The following KMT5B variants were observed in gnomAD, a reference collection of about 807,000 sequenced individuals.
KMT5B encodes the protein lysine methyltransferase 5B.
Under a neutral mutation model 83.2 loss-of-function variants are expected in KMT5B, and 10 were observed. The ratio of observed to expected loss-of-function variants is 0.12; its 90% CI spans 0.07 to 0.20. KMT5B has a LOEUF of 0.20. KMT5B is among the 10% of genes least tolerant of loss of function. The pLI is 1.00. For missense variants in KMT5B, 753 were observed against 1,067.2 expected, an observed-to-expected ratio of 0.71 and a Z score of 4.10; for synonymous variants, 349 against 388.8, an observed-to-expected ratio of 0.90 and a Z score of 1.20.
At position 68,157,568 on chromosome 11, in the gene KMT5B, T is replaced by C. The variant is rs1013734951; in HGVS notation, c.*120A>G. The C allele has an allele frequency of 4.3e-6, 6 of 1,387,552 alleles. No homozygotes were observed. In the African/African-American group the frequency reaches 5.8e-5, roughly 13 times the overall value. The allele number at this position is 1,387,552 out of a possible 1,614,324, so 86.0% of individuals were successfully genotyped here. A position where few individuals can be genotyped will look rare whatever the true frequency, so the allele number is the denominator to read the frequency against. On this transcript the variant is annotated 3_prime_UTR_variant, in exon 11 of 11. Transcript: ENST00000304363. ...GTATGCTGTACACTTTCTACAATAG[T>C]ATGCTGATAAGTGAAGGGACAATAG...
chr11:68,198,229 C>CAAA (rs1054245107), intron 1 of KMT5B, among the ~76,000 whole-genome samples: 5 of 152,042 alleles, frequency 3.3e-5, no homozygotes, highest in Non-Finnish European at 4.4e-5. Flanking sequence ...GCTAAAAATA[C>CAAA]AAAAATTAGC....
At chr11:68,178,424 C>G (rs1295290502) in intron 4 of KMT5B, among the ~76,000 whole-genome samples, 2 of 152,208 alleles carry the variant, frequency 1.3e-5, no homozygotes, top group African/African-American at 2.4e-5. Context: ...CCTACCTTCC[C>G]TGTGTTGACT....
chr11:68,160,936 A>C (rs1854805572), intron 10 of KMT5B, among the ~76,000 whole-genome samples: 1 of 152,208 alleles, frequency 6.6e-6, no homozygotes, highest in Non-Finnish European at 1.5e-5. Context: ...GACAAGAGTG[A>C]AACTTCCTCT....
chr11:68,190,145 G>A lies in KMT5B; in HGVS notation c.-69C>T. The stretch of plus-strand genomic sequence containing the variant: ...AAATAGCTTAGAGAATACTTTCAAT[G>A]TTCTCTCCTAACAGAAACAAAATAT... On this transcript the variant is annotated 5_prime_UTR_variant, in exon 2 of 11. Coordinates refer to ENST00000304363, the MANE Select transcript of KMT5B (RefSeq NM_017635.5). The A allele has an allele frequency of 7.0e-7, 1 of 1,424,276 alleles. No homozygotes were observed. The highest frequency in any genetic ancestry group is 9.8e-7 in the Non-Finnish European group (1 of 1,020,632). The allele number at this position is 1,424,276 out of a possible 1,614,324, so 88.2% of individuals were successfully genotyped here.
intron 3 of KMT5B, among the ~76,000 whole-genome samples, chr11:68,182,078 C>T (rs1856987525): frequency 6.6e-6 from 1 of 152,200 alleles, no homozygotes; most frequent in African/African-American, 2.4e-5. Context: ...ATTTTAGATG[C>T]TTCAATTCTA....
intron 1 of KMT5B, among the ~76,000 whole-genome samples, chr11:68,207,518 C>T (rs1591081693): frequency 6.6e-6 from 1 of 152,038 alleles, no homozygotes; most frequent in East Asian, 1.9e-4. Context: ...ACAGGCCAGG[C>T]ACGGTGGCTC....
intron 4 of KMT5B, among the ~76,000 whole-genome samples, chr11:68,175,873 T>C (rs927410862): frequency 1.3e-5 from 2 of 151,934 alleles, no homozygotes. Context: ...AGTGGTGAAA[T>C]TGCTATACTG....
chr11:68,202,061 T>C (rs1355129459), intron 1 of KMT5B, among the ~76,000 whole-genome samples: 2 of 152,162 alleles, frequency 1.3e-5, no homozygotes, highest in African/African-American at 4.8e-5. Flanking sequence ...AGCAAGACTC[T>C]GTCTCAAAGA....
At chr11:68,213,036 T>C (rs1479149927) in intron 1 of KMT5B, 102 bp downstream of exon 1, 1 of 51,718 alleles carries the variant, frequency 1.9e-5, no homozygotes, top group East Asian at 6.5e-4. Context: ...CCCGGAGCCC[T>C]GCGACCGGCC....
At chr11:68,204,947 T>C (rs1465365065) in intron 1 of KMT5B, among the ~76,000 whole-genome samples, 1 of 152,114 alleles carries the variant, frequency 6.6e-6, no homozygotes, top group African/African-American at 2.4e-5. Flanking sequence ...GCTAAGTTTA[T>C]GGAATTTGTT....
intron 5 of KMT5B, among the ~76,000 whole-genome samples, chr11:68,174,369 A>G (rs1856143652): frequency 6.6e-6 from 1 of 152,208 alleles, no homozygotes; most frequent in African/African-American, 2.4e-5. Flanking sequence ...AAATCCTCCC[A>G]TGAGCATTTC....
Position 68,157,802 on chromosome 11 carries a change from A to C in KMT5B, c.2544T>G (p.Asp848Glu). 1.2e-6 allele frequency: 2 copies of C among 1,614,182 alleles called. No individual in the cohort carries two copies. Residue 848 changes from aspartate (D) to glutamate (E), a missense_variant, in exon 11 of 11, where the codon GAT (aspartate) becomes GAG (glutamate). Physicochemically the swap from Asp to Glu is conservative, Grantham distance 45. Transcript: ENST00000304363. ...GCTTAGCTGGAGGAAGAGGAATAAA[A>C]TCGTCTTCAAAGTCATCATCATAGT... is the stretch of plus-strand genomic sequence containing the variant. Reference protein sequence around the residue: ...EDDYDDDFEDDFIPLPPAKRL... With the variant: ...EDDYDDDFEDEFIPLPPAKRL...
intron 2 of KMT5B, among the ~76,000 whole-genome samples, chr11:68,187,023 G>A (rs1857501817): frequency 6.6e-6 from 1 of 151,628 alleles, no homozygotes; most frequent in African/African-American, 2.4e-5. Flanking sequence ...TGAAGACAGG[G>A]TCTTGCTTTG....
intron 1 of KMT5B, among the ~76,000 whole-genome samples, chr11:68,191,984 T>C (rs1858138495): frequency 6.6e-6 from 1 of 152,226 alleles, no homozygotes; most frequent in African/African-American, 2.4e-5. Context: ...TATGTTTATA[T>C]ATGTTTAGAT....
intron 1 of KMT5B, among the ~76,000 whole-genome samples, chr11:68,208,655 A>G (rs1860487090): frequency 6.6e-6 from 1 of 152,176 alleles, no homozygotes; most frequent in Admixed American, 6.5e-5. Flanking sequence ...AATGGACTTG[A>G]GATGGGATGA....
rs1180443992 is a variant in KMT5B at position 68,159,068 on chromosome 11, T to C, written c.1278A>G (p.Ser426=). The C allele has an allele frequency of 1.2e-6, 2 of 1,612,330 alleles. No homozygotes were observed. Among genetic ancestry groups the C allele is most frequent in the South Asian group, 2.2e-5 (2 of 90,410 alleles). Residue 426 remains serine (S), a synonymous_variant, in exon 11 of 11, where the codon TCA becomes TCG. Transcript: ENST00000304363. The part of the protein sequence containing the change: ...SRIPASSNST[S]SKLTHINNSR... Reference sequence around the variant, plus strand: ...AATTATTTATATGAGTTAGCTTAGATGAGGTAGAGTTGGAAGAAGCTGGAA... The same window carrying C: ...AATTATTTATATGAGTTAGCTTAGACGAGGTAGAGTTGGAAGAAGCTGGAA...
intron 5 of KMT5B, chr11:68,174,257 C>G (rs754023449): frequency 8.1e-6 from 3 of 370,638 alleles, no homozygotes; most frequent in South Asian, 6.2e-5. Flanking sequence ...CATTAGGTAA[C>G]AAACTTTATT....
At chr11:68,195,602 T>A (rs935164413) in intron 1 of KMT5B, among the ~76,000 whole-genome samples, 1 of 152,198 alleles carries the variant, frequency 6.6e-6, no homozygotes, top group Non-Finnish European at 1.5e-5. Context: ...TTCCTCTGAA[T>A]ACACAGAATA....
chr11:68,182,960 T>C (rs986203504), intron 3 of KMT5B, among the ~76,000 whole-genome samples: 3 of 151,882 alleles, frequency 2.0e-5, no homozygotes, highest in African/African-American at 7.3e-5. Context: ...GGTCTTGAAC[T>C]CCCGACCTCA....
Sources: allele counts gnomAD v4.1 joint callset (sites outside exome capture counted in the v4.1 genomes callset), GRCh38; gene constraint gnomAD v4.1.1; transcripts MANE v1.5; gene names NCBI Gene and HGNC (gene_info 2026-07-23, HGNC 2026-07-21).